Variants in XG observed in about 807,000 individuals in gnomAD.
XG encodes glycoprotein Xg.
XG carries 24 observed loss-of-function variants against 25.7 expected under a neutral mutation model. That is an observed-to-expected ratio of 0.93 (90% CI 0.68 to 1.31). The LOEUF is 1.31. Ranked by LOEUF, XG falls within the 40% of genes most tolerant of loss-of-function variation. The pLI is 0.00. For missense variants in XG, 181 were observed against 187.6 expected (o/e 0.96, Z 0.21); for synonymous variants, 77 against 69.2 (o/e 1.11, Z -0.56).
chrX:2,761,908 G>T (rs311121), intron 1 of XG, among the ~76,000 whole-genome samples: 26,795 of 152,118 alleles, frequency 0.18, 2,956 homozygotes, highest in African/African-American at 0.32. Flanking sequence ...CTTTGGGATT[G>T]CATTGTAACA....
intron 4 of XG, among the ~76,000 whole-genome samples, chrX:2,789,375 C>A (rs1171763498): frequency 8.9e-6 from 1 of 112,123 alleles, no homozygotes; most frequent in African/African-American, 3.2e-5. Context: ...CTGTAGTAGC[C>A]CTAAACAGGG....
chrX:2,786,260 C>CTTTTTTTTTTTTTTTTTTTTTTTTTTTTT (rs1179667048), intron 4 of XG, among the ~76,000 whole-genome samples: 4 of 60,569 alleles, frequency 6.6e-5, no homozygotes, highest in African/African-American at 2.1e-4. Flanking sequence ...TCCATGTTGT[C>CTTTTTTTTTTTTTTTTTTTTTTTTTTTTT]TTTTTTTTTT....
intron 7 of XG, 108 bp downstream of exon 7, chrX:2,797,468 G>T: frequency 3.4e-6 from 3 of 889,156 alleles, no homozygotes; most frequent in Non-Finnish European, 4.8e-6. Context: ...AGTCTTTGGT[G>T]AGTAGGGTGC....
At chrX:2,810,018 G>A (rs1389143575) in intron 9 of XG, among the ~76,000 whole-genome samples, 1 of 112,309 alleles carries the variant, frequency 8.9e-6, no homozygotes, top group African/African-American at 3.2e-5. Context: ...ACTGTGGAGC[G>A]TGTTCATGTA....
At chrX:2,788,604 C>G (rs754390659) in intron 4 of XG, among the ~76,000 whole-genome samples, 16 of 111,543 alleles carry the variant, frequency 1.4e-4, no homozygotes, top group Non-Finnish European at 2.6e-4. Flanking sequence ...CGTGTAATCC[C>G]AACACTTTGG....
rs763684873 is a variant in XG at position 2,791,220 on chromosome X, T to C, written c.253+1514T>C. Among the ~76,000 whole-genome samples, 3 of 111,180 alleles carry C rather than the reference T, an allele frequency of 2.7e-5. No individual in the cohort carries two copies. In the South Asian group the frequency reaches 1.2e-3, roughly 43 times the overall value. On this transcript the variant is annotated intron_variant, in intron 5 of 10. Coordinates refer to ENST00000644266, the MANE Select transcript of XG (RefSeq NM_001141919.2). ...AGGAAAGAGATGCTGGTCTGTAAAG[T>C]TGGAAGAGTCTCAGCGATTCCATTG...
At chrX:2,801,066 T>C (rs2086931834) in intron 7 of XG, among the ~76,000 whole-genome samples, 1 of 109,919 alleles carries the variant, frequency 9.1e-6, no homozygotes, top group Admixed American at 9.7e-5. Flanking sequence ...CCACCATCTT[T>C]CTGGAACTAG....
At position 2,816,173 on chromosome X, in the gene XG, G is replaced by C. The variant is rs2087103030; in HGVS notation, c.*1793G>C. 1 of 112,410 alleles carries C rather than the reference G, an allele frequency of 8.9e-6. No homozygotes were observed. The highest frequency in any genetic ancestry group is 3.7e-4 in the South Asian group (1 of 2,707). 9.3% of individuals were successfully genotyped at this position (112,410 alleles called of 1,213,427 possible). ...AGATGAAAATATTTGAATCATGATT[G>C]CTTGGGGGAACCTCTCTTTGAGGGG... On this transcript the variant is annotated 3_prime_UTR_variant, in exon 11 of 11. Coordinates refer to ENST00000644266, the MANE Select transcript of XG (RefSeq NM_001141919.2).
intron 2 of XG, 94 bp from the exon 3 acceptor site, chrX:2,774,622 C>G: frequency 1.4e-6 from 2 of 1,400,450 alleles, no homozygotes; most frequent in Non-Finnish European, 2.0e-6. Flanking sequence ...TTGTCACTCC[C>G]TTTTCACCTT....
chrX:2,757,971 C>CAAA (rs59540338), intron 1 of XG, among the ~76,000 whole-genome samples: 21 of 88,632 alleles, frequency 2.4e-4, no homozygotes, highest in East Asian at 7.7e-4. Context: ...GACTCCATCT[C>CAAA]AAAAAAAAAA....
intron 1 of XG, among the ~76,000 whole-genome samples, chrX:2,753,244 G>T (rs5939313): frequency 0.2 from 30,938 of 151,994 alleles, 3,787 homozygotes; most frequent in South Asian, 0.41. Flanking sequence ...TCTGCAGTGA[G>T]AATTTTTTAT....
intron 5 of XG, among the ~76,000 whole-genome samples, chrX:2,790,357 C>T (rs1053103653): frequency 4.6e-5 from 5 of 109,579 alleles, no homozygotes; most frequent in Admixed American, 2.0e-4. Flanking sequence ...AAAAATTCGC[C>T]GGGCGTGGTG....
chrX:2,814,331 C>G, intron 10 of XG, 33 bp from the exon 11 acceptor site: 1 of 1,190,535 alleles, frequency 8.4e-7, no homozygotes. Flanking sequence ...TTTTTGCCCC[C>G]ACAATGACAT....
intron 3 of XG, among the ~76,000 whole-genome samples, chrX:2,775,968 A>G (rs1415811162): frequency 7.0e-5 from 3 of 42,618 alleles, no homozygotes; most frequent in Admixed American, 1.9e-4. Context: ...AAAAAAAAAA[A>G]AAAAGAAAAG....
intron 7 of XG, among the ~76,000 whole-genome samples, chrX:2,802,267 G>A (rs971821297): frequency 3.4e-4 from 38 of 110,858 alleles, no homozygotes; most frequent in East Asian, 2.3e-3. Context: ...CGATCCTCCC[G>A]CCTCAGCCTC....
At position 2,811,936 on chromosome X, in the gene XG, C is replaced by A. The variant is rs1474697296; in HGVS notation, c.571+484C>A. ...ATGGTCAGGTGTGAGCTGTACCTTC[C>A]TCTAAACCTTGTTACAATGAGGCTG... On this transcript the variant is annotated intron_variant, in intron 10 of 10. Transcript: ENST00000644266. Among the ~76,000 whole-genome samples the A allele has an allele frequency of 4.5e-5, 5 of 111,544 alleles. No individual in the cohort carries two copies. The Admixed American group carries it at 4.8e-4, about 11-fold the overall frequency.
intron 1 of XG, among the ~76,000 whole-genome samples, chrX:2,753,583 C>CTT (rs1044907547): frequency 6.9e-6 from 1 of 145,456 alleles, no homozygotes; most frequent in African/African-American, 2.5e-5. Context: ...TACAACTTTT[C>CTT]TTTTTTTTTT....
chrX:2,785,955 T>A (rs2086779447), intron 4 of XG, among the ~76,000 whole-genome samples: 1 of 110,922 alleles, frequency 9.0e-6, no homozygotes, highest in Admixed American at 9.7e-5. Flanking sequence ...CTCCCTCCAT[T>A]GACTTGATAG....
chrX:2,765,376 G>GGGAAGGAAGGAAGGAAGGATGGAAGGAA (rs2050660576), intron 1 of XG, among the ~76,000 whole-genome samples: 1 of 144,024 alleles, frequency 6.9e-6, no homozygotes, highest in Non-Finnish European at 1.5e-5. Flanking sequence ...GAGGGAGGGA[G>GGGAAGGAAGGAAGGAAGGATGGAAGGAA]GGAAGGAAGG....
Sources: gnomAD v4.1 joint callset for allele counts (sites outside exome capture counted in the v4.1 genomes callset) on GRCh38, gnomAD v4.1.1 for gene constraint, MANE v1.5 for transcripts, NCBI Gene and HGNC (gene_info 2026-07-23, HGNC 2026-07-21) for gene names.